GALNT7: variants seen among roughly 807,000 people sequenced by gnomAD.
The protein encoded by GALNT7 is N-acetylgalactosaminyltransferase 7.
GALNT7 carries 60 observed loss-of-function variants against 82.1 expected under a neutral mutation model. That is an observed-to-expected ratio of 0.73 (90% CI 0.59 to 0.91). The LOEUF is 0.91. Among genes scored for constraint, GALNT7 ranks in the 40% least tolerant of loss-of-function variants. The probability of loss-of-function intolerance (pLI) is 0.00; values close to 1 mark genes in which losing one functional copy is unlikely to be tolerated. For synonymous variants in GALNT7, 243 were observed against 275.1 expected, an observed-to-expected ratio of 0.88 and a Z score of 1.15; for missense variants, 660 against 804.2, an observed-to-expected ratio of 0.82 and a Z score of 2.17.
intron 1 of GALNT7, among the ~76,000 whole-genome samples, chr4:173,237,405 C>A (rs1734269869): frequency 6.6e-6 from 1 of 152,166 alleles, no homozygotes; most frequent in Admixed American, 6.5e-5. Flanking sequence ...GTGCTATATT[C>A]ATTTTCGAGT....
At chr4:173,221,498 G>A (rs17059216) in intron 1 of GALNT7, among the ~76,000 whole-genome samples, 1 of 152,174 alleles carries the variant, frequency 6.6e-6, no homozygotes, top group South Asian at 2.1e-4. Flanking sequence ...TAATTCTTTG[G>A]TGAGAGACTA....
chr4:173,201,818 C>T (rs1053093967), intron 1 of GALNT7, among the ~76,000 whole-genome samples: 9 of 152,162 alleles, frequency 5.9e-5, no homozygotes, highest in Non-Finnish European at 1.2e-4. Context: ...TTTCATCATC[C>T]CTCATGTTGT....
chr4:173,283,726 G>A (rs1736208149), intron 2 of GALNT7, among the ~76,000 whole-genome samples: 1 of 150,734 alleles, frequency 6.6e-6, no homozygotes, highest in Non-Finnish European at 1.5e-5. Context: ...TATGAGGCCG[G>A]TTTTCCAGGA....
chr4:173,217,474 G>A (rs1733508257), intron 1 of GALNT7, among the ~76,000 whole-genome samples: 1 of 152,112 alleles, frequency 6.6e-6, no homozygotes, highest in Non-Finnish European at 1.5e-5. Flanking sequence ...AGTAGATTTT[G>A]ACATCTACTA....
intron 2 of GALNT7, among the ~76,000 whole-genome samples, chr4:173,266,871 GTGTGTGTGTGTGTGTGTGTGT>G (rs1735517155): frequency 7.8e-5 from 4 of 51,186 alleles, no homozygotes; most frequent in Admixed American, 2.1e-4. Context: ...TGGGAAGGGT[GTGTGTGTGTGTGTGTGTGTGT>G]GTGTGTGTGT....
At chr4:173,311,962 T>A (rs1267797596) in intron 8 of GALNT7, among the ~76,000 whole-genome samples, 1 of 152,220 alleles carries the variant, frequency 6.6e-6, no homozygotes, top group East Asian at 1.9e-4. Flanking sequence ...AAAACATGGG[T>A]CGGCCACATG....
intron 2 of GALNT7, among the ~76,000 whole-genome samples, chr4:173,260,859 G>A (rs948701033): frequency 2.0e-5 from 3 of 152,092 alleles, no homozygotes; most frequent in African/African-American, 7.2e-5. Flanking sequence ...ATAAAAACAA[G>A]TAAGATGATG....
chr4:173,288,573 A>T (rs958344368), intron 2 of GALNT7, among the ~76,000 whole-genome samples: 4 of 152,234 alleles, frequency 2.6e-5, no homozygotes, highest in African/African-American at 9.6e-5. Context: ...TTTGGGGTTT[A>T]ATAGGCTGTC....
At chr4:173,184,470 C>A (rs554803365) in intron 1 of GALNT7, among the ~76,000 whole-genome samples, 2 of 151,726 alleles carry the variant, frequency 1.3e-5, no homozygotes, top group Admixed American at 1.3e-4. Context: ...TGGTGGCGCC[C>A]GCCTGCAATC....
At chr4:173,275,198 C>T (rs1036832310) in intron 2 of GALNT7, among the ~76,000 whole-genome samples, 3 of 152,152 alleles carry the variant, frequency 2.0e-5, no homozygotes, top group African/African-American at 4.8e-5. Context: ...TGTATTCGAA[C>T]GTTTCTGTCC....
At chr4:173,180,423 G>C (rs1337275360) in intron 1 of GALNT7, among the ~76,000 whole-genome samples, 1 of 150,302 alleles carries the variant, frequency 6.7e-6, no homozygotes. Context: ...TGCTTCCCAG[G>C]TTCAAGCAAT....
At chr4:173,258,899 A>AT (rs1735145643) in intron 2 of GALNT7, among the ~76,000 whole-genome samples, 2 of 152,138 alleles carry the variant, frequency 1.3e-5, no homozygotes, top group South Asian at 4.1e-4. Flanking sequence ...TTATTGCAGA[A>AT]TTTTTTCTTG....
At chr4:173,286,601 C>T (rs914031181) in intron 2 of GALNT7, among the ~76,000 whole-genome samples, 1 of 152,220 alleles carries the variant, frequency 6.6e-6, no homozygotes, top group African/African-American at 2.4e-5. Flanking sequence ...TTTTCTGAAG[C>T]ATAGAGACTG....
chr4:173,198,467 TC>T (rs1339501146), intron 1 of GALNT7, among the ~76,000 whole-genome samples: 1 of 152,062 alleles, frequency 6.6e-6, no homozygotes, highest in African/African-American at 2.4e-5. Context: ...ATGTGGCCCT[TC>T]CCAGAGTGTC....
At chr4:173,239,924 TGTACTATA>T (rs1734365654) in intron 1 of GALNT7, among the ~76,000 whole-genome samples, 1 of 152,198 alleles carries the variant, frequency 6.6e-6, no homozygotes, top group Non-Finnish European at 1.5e-5. Context: ...TGTTCAAAAT[TGTACTATA>T]TACTTCTGAG....
rs1737883123 is a variant in GALNT7 at position 173,323,121 on chromosome 4, A to G, written c.*1404A>G. On this transcript the variant is annotated 3_prime_UTR_variant, in exon 12 of 12. Transcript: ENST00000265000. Reference sequence around the variant, plus strand: ...CCAGAAGATTAAAATGCCTACATTGAGTGCTTAAAAAAAAAAAAACAACTG... The same window carrying G: ...CCAGAAGATTAAAATGCCTACATTGGGTGCTTAAAAAAAAAAAAACAACTG... 6.8e-6 allele frequency: 1 copy of G among 148,134 alleles called. No individual in the cohort carries two copies. The highest frequency in any genetic ancestry group is 2.5e-5 in the African/African-American group (1 of 40,012). The allele number at this position is 148,134 out of a possible 1,614,324, so 9.2% of individuals were successfully genotyped here.
chr4:173,276,986 A>G (rs781062002), intron 2 of GALNT7, among the ~76,000 whole-genome samples: 1 of 152,194 alleles, frequency 6.6e-6, no homozygotes, highest in Non-Finnish European at 1.5e-5. Flanking sequence ...AACAATGACC[A>G]TAGAGGAAGA....
At chr4:173,247,857 T>A in intron 1 of GALNT7, 123 bp from the exon 2 acceptor site, 2 of 614,086 alleles carry the variant, frequency 3.3e-6, no homozygotes, top group Non-Finnish European at 5.7e-6. Flanking sequence ...AATGGCCCGC[T>A]TGTATTCCAA....
At chr4:173,280,898 G>A (rs1327424893) in intron 2 of GALNT7, among the ~76,000 whole-genome samples, 1 of 152,186 alleles carries the variant, frequency 6.6e-6, no homozygotes, top group Non-Finnish European at 1.5e-5. Flanking sequence ...TCATCTCACA[G>A]TGACAAACCA....
Sources: gnomAD v4.1 joint callset for allele counts (sites outside exome capture counted in the v4.1 genomes callset) on GRCh38, gnomAD v4.1.1 for gene constraint, MANE v1.5 for transcripts, NCBI Gene and HGNC (gene_info 2026-07-23, HGNC 2026-07-21) for gene names.